Variants in MRPS28 observed in about 807,000 individuals in gnomAD.
MRPS28 encodes small ribosomal subunit protein bS1m.
MRPS28 carries 7 observed loss-of-function variants against 10.8 expected under a neutral mutation model. The ratio of observed to expected loss-of-function variants is 0.65; its 90% CI spans 0.37 to 1.22. The LOEUF is 1.22. Ranked by LOEUF, MRPS28 falls within the 50% of genes most tolerant of loss-of-function variation. The pLI is 0.02. For synonymous variants in MRPS28, 121 were observed against 93.3 expected (o/e 1.30, Z -1.71); for missense variants, 265 against 232.9 (o/e 1.14, Z -0.90).
chr8:79,976,975 CTG>C (rs1174892921), intron 2 of MRPS28, among the ~76,000 whole-genome samples: 1 of 151,996 alleles, frequency 6.6e-6, no homozygotes. Context: ...ATGTTCCAGA[CTG>C]TGTCATTTGT....
At chr8:79,926,440 G>T (rs1462521923) in intron 2 of MRPS28, among the ~76,000 whole-genome samples, 1 of 152,158 alleles carries the variant, frequency 6.6e-6, no homozygotes, top group African/African-American at 2.4e-5. Flanking sequence ...AGAGGCTTAA[G>T]GCATTAAGGT....
intron 1 of MRPS28, among the ~76,000 whole-genome samples, chr8:80,029,095 T>G (rs1000470409): frequency 2.0e-5 from 3 of 152,182 alleles, no homozygotes; most frequent in African/African-American, 2.4e-5. Context: ...TTTAGACCAG[T>G]GAGATCCCGT....
intron 2 of MRPS28, among the ~76,000 whole-genome samples, chr8:79,959,824 A>AT (rs1448552096): frequency 1.3e-5 from 2 of 152,192 alleles, no homozygotes; most frequent in African/African-American, 4.8e-5. Flanking sequence ...AAAAACACTT[A>AT]TAACTATGCT....
At chr8:80,018,181 T>A (rs1042677830) in intron 1 of MRPS28, among the ~76,000 whole-genome samples, 1 of 150,938 alleles carries the variant, frequency 6.6e-6, no homozygotes, top group Admixed American at 6.6e-5. Context: ...TAGTCCCAGC[T>A]ACTGGGGAGG....
intron 2 of MRPS28, among the ~76,000 whole-genome samples, chr8:80,000,825 A>T (rs1051359925): frequency 1.3e-5 from 2 of 152,168 alleles, no homozygotes; most frequent in African/African-American, 2.4e-5. Flanking sequence ...CAGGAGTTCA[A>T]GTCCAGCTGG....
At chr8:80,013,490 C>T (rs1047323632) in intron 1 of MRPS28, among the ~76,000 whole-genome samples, 5 of 151,408 alleles carry the variant, frequency 3.3e-5, no homozygotes, top group African/African-American at 7.3e-5. Context: ...CAAAATTAGC[C>T]GGGTGAGGTG....
Position 80,003,145 on chromosome 8 carries a change from C to A in MRPS28, c.249G>T (p.Met83Ile). 1.2e-6 allele frequency: 2 copies of A among 1,601,378 alleles called. No homozygotes were observed. Among genetic ancestry groups the A allele is most frequent in the Non-Finnish European group, 1.7e-6 (2 of 1,176,842 alleles). ...SPKNVESFASMLRHSPLTQMG... is the reference protein window; with the variant it reads ...SPKNVESFASILRHSPLTQMG... ...TCTGTGTAAGAGGAGAATGTCTCAG[C>A]ATAGATGCAAAGGATTCCACATTTT... Residue 83 changes from methionine (M) to isoleucine (I), a missense_variant, in exon 2 of 3, where the codon ATG becomes ATT. By Grantham distance (10) the Met-to-Ile change is conservative. Transcript: ENST00000276585.
chr8:80,016,737 G>C (rs1040022082), intron 1 of MRPS28, among the ~76,000 whole-genome samples: 1 of 152,102 alleles, frequency 6.6e-6, no homozygotes, highest in Non-Finnish European at 1.5e-5. Flanking sequence ...TAATAAAAGG[G>C]TTAATTATCT....
At chr8:80,025,490 G>T (rs1307994741) in intron 1 of MRPS28, among the ~76,000 whole-genome samples, 2 of 152,118 alleles carry the variant, frequency 1.3e-5, no homozygotes, top group Non-Finnish European at 2.9e-5. Flanking sequence ...GCAACACTGT[G>T]TTAGAAAACA....
chr8:79,922,775 G>C (rs1810129403), intron 2 of MRPS28, among the ~76,000 whole-genome samples: 1 of 151,982 alleles, frequency 6.6e-6, no homozygotes, highest in Non-Finnish European at 1.5e-5. Flanking sequence ...AGAATAGCAA[G>C]AGTGGAAGTA....
chr8:79,960,973 T>C (rs1251085685), intron 2 of MRPS28, among the ~76,000 whole-genome samples: 1 of 152,072 alleles, frequency 6.6e-6, no homozygotes, highest in Non-Finnish European at 1.5e-5. Context: ...TGAGGATGAA[T>C]GAGGGGAAGC....
At chr8:79,947,786 C>A (rs1007547630) in intron 2 of MRPS28, among the ~76,000 whole-genome samples, 4 of 151,028 alleles carry the variant, frequency 2.6e-5, no homozygotes, top group Admixed American at 2.0e-4. Flanking sequence ...AGGTGCCTAC[C>A]ACTACGCCCG....
chr8:79,988,448 TAAAAA>T (rs1416664329), intron 2 of MRPS28, among the ~76,000 whole-genome samples: 2 of 149,948 alleles, frequency 1.3e-5, no homozygotes, highest in African/African-American at 4.9e-5. Context: ...TAAATAAAAA[TAAAAA>T]AATTAAAAAA....
At chr8:79,966,279 A>G (rs1807500520) in intron 2 of MRPS28, among the ~76,000 whole-genome samples, 1 of 152,024 alleles carries the variant, frequency 6.6e-6, no homozygotes. Context: ...AATATATAAT[A>G]AAAAGCAGAA....
In MRPS28 at chr8:79,982,139, C is replaced by G. The variant is rs992947221; in HGVS notation, c.395+20860G>C. Among the ~76,000 whole-genome samples, 5 of 152,174 alleles carry G rather than the reference C, an allele frequency of 3.3e-5. No homozygotes were observed. The South Asian group carries it at 1.0e-3, about 32-fold the overall frequency. ...GCGGATGCCTGTAATCCCAGCTACT[C>G]AGGAAGCTGAGGCAGGAGAATTGCT... On this transcript the variant is annotated intron_variant, in intron 2 of 2. Transcript: ENST00000276585.
Position 80,021,006 on chromosome 8 carries a change from CTTT to C in MRPS28, c.213+9027_213+9029del, listed in dbSNP as rs372456678. On this transcript the variant is annotated intron_variant, in intron 1 of 2. Coordinates refer to ENST00000276585, the MANE Select transcript of MRPS28 (RefSeq NM_014018.3). The stretch of plus-strand genomic sequence containing the variant: ...GAATATATATATTCGCACACACACA[CTTT>C]TTTTTTTTTTTTGAGACTGGGTCTC... Among the ~76,000 whole-genome samples, 10 of 143,170 alleles carry C rather than the reference CTTT, an allele frequency of 7.0e-5. No individual in the cohort carries two copies. The East Asian group carries it at 1.0e-3, about 14-fold the overall frequency. 93.9% of individuals were successfully genotyped at this position (143,170 alleles called of 152,430 possible).
At position 79,933,053 on chromosome 8, in the gene MRPS28, G is replaced by A. The variant is rs546048496; in HGVS notation, c.396-13905C>T. On this transcript the variant is annotated intron_variant, in intron 2 of 2. Transcript: ENST00000276585. The stretch of plus-strand genomic sequence containing the variant: ...TTTCAAAGATGTGCAGTGGGATCTG[G>A]GGAAGCAAGACCTTTTTTATTTTCT... Among the ~76,000 whole-genome samples the A allele has an allele frequency of 3.3e-5, 5 of 152,286 alleles. No homozygotes were observed. In the South Asian group the frequency reaches 1.0e-3, roughly 32 times the overall value.
chr8:79,948,502 T>C (rs1806988847), intron 2 of MRPS28, among the ~76,000 whole-genome samples: 1 of 152,222 alleles, frequency 6.6e-6, no homozygotes, highest in Non-Finnish European at 1.5e-5. Context: ...ACATCCAGTA[T>C]AATGAAGAGT....
chr8:79,970,577 C>A (rs190221783), intron 2 of MRPS28, among the ~76,000 whole-genome samples: 115 of 152,270 alleles, frequency 7.6e-4, no homozygotes, highest in Non-Finnish European at 1.3e-3. Flanking sequence ...ACAAAGACTT[C>A]TTCCAAAAAA....
Sources: allele counts gnomAD v4.1 joint callset (sites outside exome capture counted in the v4.1 genomes callset), GRCh38; gene constraint gnomAD v4.1.1; transcripts MANE v1.5; gene names NCBI Gene and HGNC (gene_info 2026-07-23, HGNC 2026-07-21).